ADGRV1: variants seen among roughly 807,000 people sequenced by gnomAD.
The protein encoded by ADGRV1 is G-protein coupled receptor 98.
ADGRV1 carries 359 observed loss-of-function variants against 596.2 expected under a neutral mutation model. That is an observed-to-expected ratio of 0.60 (90% CI 0.55 to 0.66). The LOEUF is 0.66. Among genes scored for constraint, ADGRV1 ranks in the 30% least tolerant of loss-of-function variants. The pLI is 0.00. For synonymous variants in ADGRV1, 2,681 were observed against 2,679.2 expected (o/e 1.00, Z -0.02); for missense variants, 7,274 against 7,575.6 (o/e 0.96, Z 1.48).
intron 86 of ADGRV1, among the ~76,000 whole-genome samples, chr5:91,084,970 A>G (rs561453916): frequency 1.6e-3 from 239 of 152,328 alleles, no homozygotes; most frequent in African/African-American, 5.6e-3. Flanking sequence ...TCAGCAAACT[A>G]TCACAAGGAC....
intron 89 of ADGRV1, among the ~76,000 whole-genome samples, chr5:91,158,867 GGA>G (rs1239720288): frequency 1.3e-5 from 2 of 151,644 alleles, no homozygotes; most frequent in African/African-American, 2.4e-5. Context: ...ATGGATGGAT[GGA>G]TGGATGGATG....
intron 1 of ADGRV1, among the ~76,000 whole-genome samples, chr5:90,587,501 A>G (rs1159508237): frequency 6.6e-6 from 1 of 151,878 alleles, no homozygotes; most frequent in African/African-American, 2.4e-5. Context: ...TTAACCTTAC[A>G]GAAACTTTAC....
At position 90,595,139 on chromosome 5, in the gene ADGRV1, C is replaced by T. The variant is rs1262913592; in HGVS notation, c.23-19696C>T. On this transcript the variant is annotated intron_variant, in intron 1 of 89. Transcript: ENST00000405460. ...CTGACCCCCCCACCTCCCTCCCGGA[C>T]GGGGCGGCTGGCCGGGTGGGGGGCT... Among the ~76,000 whole-genome samples the T allele has an allele frequency of 5.4e-4, 64 of 119,426 alleles. 1 individual carries two copies. The highest frequency in any genetic ancestry group is 5.3e-3 in the South Asian group (19 of 3,590). The allele number at this position is 119,426 out of a possible 152,430, so 78.3% of individuals were successfully genotyped here.
In ADGRV1 at chr5:90,783,289, G is replaced by A. The variant is rs575318632; in HGVS notation, c.13397G>A (p.Ser4466Asn). Residue 4466 changes from serine (S) to asparagine (N), a missense_variant, in exon 66 of 90, where the codon AGT becomes AAT. Ser to Asn is a conservative substitution (Grantham distance 46). Around this residue, in one of 5 missense-constraint regions of ADGRV1, gnomAD observed 3,643 missense variants for 3,809.2 expected, o/e 0.96. Coordinates refer to ENST00000405460, the MANE Select transcript of ADGRV1 (RefSeq NM_032119.4). ...TVTFQHGQNL[S>N]FINISIIDDN... is the part of the protein sequence containing the mutation. The stretch of plus-strand genomic sequence containing the variant: ...ACCTTTCAGCATGGGCAAAACTTAA[G>A]TTTTATAAATATCTCCATCATTGAT... 9 of 1,612,964 alleles carry A rather than the reference G, an allele frequency of 5.6e-6. No individual in the cohort carries two copies. The highest frequency in any genetic ancestry group is 7.6e-6 in the Non-Finnish European group (9 of 1,179,300).
At chr5:90,602,450 G>C (rs1173873969) in intron 1 of ADGRV1, among the ~76,000 whole-genome samples, 1 of 152,156 alleles carries the variant, frequency 6.6e-6, no homozygotes, top group Admixed American at 6.5e-5. Context: ...CATGTTGATA[G>C]TATGTACCTT....
intron 87 of ADGRV1, among the ~76,000 whole-genome samples, chr5:91,131,242 A>G (rs1794188651): frequency 6.6e-6 from 1 of 152,230 alleles, no homozygotes; most frequent in African/African-American, 2.4e-5. Context: ...GCCAACGTAT[A>G]TAAAAATTCC....
At position 90,628,836 on chromosome 5, in the gene ADGRV1, T is replaced by A; in HGVS notation, c.1509+4T>A. 1 of 1,612,722 alleles carries A rather than the reference T, an allele frequency of 6.2e-7. No individual in the cohort carries two copies. Among genetic ancestry groups the A allele is most frequent in the Non-Finnish European group, 8.5e-7 (1 of 1,179,052 alleles). On this transcript the variant is annotated splice_donor_region_variant and intron_variant, in intron 8 of 89. Coordinates refer to ENST00000405460, the MANE Select transcript of ADGRV1 (RefSeq NM_032119.4). ...AGAAGTGAGCGAGCCAGCGGAGGTA[T>A]AACCCTTGTTATGCTTTATGCTTGT...
At chr5:91,019,950 T>A (rs1562098795) in intron 85 of ADGRV1, among the ~76,000 whole-genome samples, 1 of 152,022 alleles carries the variant, frequency 6.6e-6, no homozygotes, top group Non-Finnish European at 1.5e-5. Context: ...GTATAATTGT[T>A]TGAGCAGCTA....
At chr5:91,147,787 T>G (rs1214500344) in intron 87 of ADGRV1, among the ~76,000 whole-genome samples, 1 of 152,134 alleles carries the variant, frequency 6.6e-6, no homozygotes, top group African/African-American at 2.4e-5. Context: ...GAAGCGCCGT[T>G]GGAACTAGGT....
At chr5:90,712,690 A>T (rs1482379436) in intron 42 of ADGRV1, among the ~76,000 whole-genome samples, 1 of 152,128 alleles carries the variant, frequency 6.6e-6, no homozygotes, top group Admixed American at 6.5e-5. Context: ...TTGTAGGATT[A>T]TTTAATTTGT....
Position 90,829,089 on chromosome 5 carries a change from G to A in ADGRV1, c.16514G>A (p.Arg5505Gln), listed in dbSNP as rs765765205. Reference sequence around the variant, plus strand: ...CTTGTGTATTTTTCTGTGGGTTCTCGGCTGGCAGTGGCTCACAAGAAGGCC... The same window carrying A: ...CTTGTGTATTTTTCTGTGGGTTCTCAGCTGGCAGTGGCTCACAAGAAGGCC... ...QSLVYFSVGS[R>Q]LAVAHKKATL... The change falls in exon 77 of 90, where the codon CGG becomes CAG. Residue 5505 changes from arginine to glutamine, a missense_variant. Transcript: ENST00000405460. 2.4e-5 allele frequency: 38 copies of A among 1,612,230 alleles called. No individual in the cohort carries two copies. Among genetic ancestry groups the A allele is most frequent in the Non-Finnish European group, 3.1e-5 (36 of 1,178,882 alleles).
intron 76 of ADGRV1, 140 bp downstream of exon 76, chr5:90,823,736 C>A (rs1216452510): frequency 1.5e-6 from 1 of 685,840 alleles, no homozygotes. Flanking sequence ...GTCTAAATCT[C>A]TTTGCCGACA....
intron 87 of ADGRV1, among the ~76,000 whole-genome samples, chr5:91,138,136 G>C (rs2126829340): frequency 6.6e-6 from 1 of 152,118 alleles, no homozygotes; most frequent in South Asian, 2.1e-4. Flanking sequence ...CAGGATCTGA[G>C]GTTACCCTAG....
intron 50 of ADGRV1, among the ~76,000 whole-genome samples, chr5:90,738,608 C>G (rs1753556573): frequency 6.6e-6 from 1 of 152,062 alleles, no homozygotes; most frequent in Non-Finnish European, 1.5e-5. Flanking sequence ...TTTTCCCCTT[C>G]TTCATTACTT....
intron 86 of ADGRV1, among the ~76,000 whole-genome samples, chr5:91,081,525 C>T (rs1581997059): frequency 6.6e-6 from 1 of 151,968 alleles, no homozygotes; most frequent in Non-Finnish European, 1.5e-5. Context: ...GACTCACGCC[C>T]GTAATCCCAG....
intron 83 of ADGRV1, among the ~76,000 whole-genome samples, chr5:90,934,570 A>G (rs1554165853): frequency 6.6e-6 from 1 of 152,030 alleles, no homozygotes; most frequent in Non-Finnish European, 1.5e-5. Flanking sequence ...TCCATCCTGA[A>G]CCTTGTCCAT....
intron 85 of ADGRV1, among the ~76,000 whole-genome samples, chr5:91,056,372 T>C (rs1326151564): frequency 5.3e-5 from 8 of 152,128 alleles, no homozygotes; most frequent in Non-Finnish European, 1.2e-4. Context: ...GGAAGTGCTT[T>C]GGAGCTCGGT....
chr5:91,064,591 C>G (rs2151370032), intron 85 of ADGRV1, among the ~76,000 whole-genome samples: 1 of 152,296 alleles, frequency 6.6e-6, no homozygotes, highest in African/African-American at 2.4e-5. Flanking sequence ...TTCCATTTCA[C>G]TTTGTAGAGA....
chr5:90,780,448 A>ATT (rs1185928511), intron 64 of ADGRV1, among the ~76,000 whole-genome samples: 1 of 152,148 alleles, frequency 6.6e-6, no homozygotes, highest in African/African-American at 2.4e-5. Context: ...GAATTTGGGA[A>ATT]TTGAAGGAAG....
Sources: gnomAD v4.1 joint callset for allele counts (sites outside exome capture counted in the v4.1 genomes callset) on GRCh38, gnomAD v4.1.1 for gene constraint, gnomAD v4.1.1 regional missense constraint, MANE v1.5 for transcripts, NCBI Gene and HGNC (gene_info 2026-07-23, HGNC 2026-07-21) for gene names.